The following GALNT17 variants were observed in gnomAD, a reference collection of about 807,000 sequenced individuals.
The protein encoded by GALNT17 is polypeptide N-acetylgalactosaminyltransferase 17, also known as UDP-GalNAc:polypeptide N-acetylgalactosaminyltransferase-like 3.
In GALNT17, 29 loss-of-function variants were observed where a neutral mutation model predicts 63.7. The observed-to-expected ratio is 0.46, with a 90% CI of 0.34 to 0.62. GALNT17 has a LOEUF of 0.62. Ranked by LOEUF, GALNT17 falls within the 20% of genes least tolerant of loss-of-function variation. The pLI is 0.01. For synonymous variants in GALNT17, 305 were observed against 318.3 expected, an observed-to-expected ratio of 0.96 and a Z score of 0.45; for missense variants, 603 against 799.6, an observed-to-expected ratio of 0.75 and a Z score of 2.97.
At chr7:71,249,116 T>C (rs899622157) in intron 1 of GALNT17, among the ~76,000 whole-genome samples, 4 of 152,208 alleles carry the variant, frequency 2.6e-5, no homozygotes, top group Admixed American at 6.5e-5. Flanking sequence ...TTGAAGTTCA[T>C]GTATATGGTG....
chr7:71,302,215 G>A (rs1371208247), intron 1 of GALNT17, among the ~76,000 whole-genome samples: 1 of 152,166 alleles, frequency 6.6e-6, no homozygotes, highest in Non-Finnish European at 1.5e-5. Context: ...CAGGGGTGGG[G>A]AGAGCATCAG....
At chr7:71,691,448 T>C (rs1180931544) in intron 9 of GALNT17, among the ~76,000 whole-genome samples, 1 of 152,230 alleles carries the variant, frequency 6.6e-6, no homozygotes, top group Non-Finnish European at 1.5e-5. Flanking sequence ...TTCGCTATAT[T>C]GCAGTGGTCT....
chr7:71,354,827 G>GT (rs907342587), intron 2 of GALNT17, among the ~76,000 whole-genome samples: 84 of 152,272 alleles, frequency 5.5e-4, no homozygotes, highest in African/African-American at 1.8e-3. Flanking sequence ...TGGGCCTGAT[G>GT]TTTTTTATGG....
intron 5 of GALNT17, among the ~76,000 whole-genome samples, chr7:71,492,338 AGTGTTCAT>A (rs1242818678): frequency 6.6e-6 from 1 of 152,188 alleles, no homozygotes; most frequent in Non-Finnish European, 1.5e-5. Context: ...GATTTGGAAT[AGTGTTCAT>A]GTGTTCATGC....
At chr7:71,160,379 G>A (rs1460109868) in intron 1 of GALNT17, among the ~76,000 whole-genome samples, 1 of 152,124 alleles carries the variant, frequency 6.6e-6, no homozygotes, top group African/African-American at 2.4e-5. Context: ...CAATGATTTT[G>A]CCATAAGTCA....
chr7:71,555,459 A>T (rs1231851867), intron 5 of GALNT17, among the ~76,000 whole-genome samples: 1 of 140,308 alleles, frequency 7.1e-6, no homozygotes, highest in Non-Finnish European at 1.5e-5. Context: ...TACTGAACTC[A>T]TTACCATGGG....
chr7:71,631,654 G>T (rs1790454192), intron 6 of GALNT17, among the ~76,000 whole-genome samples: 1 of 152,148 alleles, frequency 6.6e-6, no homozygotes, highest in African/African-American at 2.4e-5. Flanking sequence ...CATCAGCAAA[G>T]GTGAGAGTGA....
intron 1 of GALNT17, among the ~76,000 whole-genome samples, chr7:71,214,798 G>A (rs1789447350): frequency 6.6e-6 from 1 of 152,084 alleles, no homozygotes; most frequent in South Asian, 2.1e-4. Flanking sequence ...GGCTGGTCTT[G>A]AACTCCTGAC....
intron 1 of GALNT17, among the ~76,000 whole-genome samples, chr7:71,197,192 C>CTTTTTTTTTTTTT (rs34276195): frequency 1.4e-5 from 1 of 69,768 alleles, no homozygotes; most frequent in Non-Finnish European, 2.5e-5. Flanking sequence ...CCCTGTTGTG[C>CTTTTTTTTTTTTT]TTTTTTTTTT....
In GALNT17 at chr7:71,557,722, T is replaced by C. The variant is rs1584048422; in HGVS notation, c.963-13563T>C. On this transcript the variant is annotated intron_variant, in intron 5 of 10. Transcript: ENST00000333538. ...AGGAGAATCGCTTGAACCCGGGAAA[T>C]GAAAGTTGCAGTGAACCGAGATCGC... 2.0e-5 allele frequency among the ~76,000 whole-genome samples: 3 copies of C among 151,050 alleles called. No homozygotes were observed. In the East Asian group the frequency reaches 5.9e-4, roughly 29 times the overall value.
At chr7:71,398,294 T>A (rs1489718425) in intron 3 of GALNT17, among the ~76,000 whole-genome samples, 2 of 152,150 alleles carry the variant, frequency 1.3e-5, no homozygotes, top group African/African-American at 2.4e-5. Flanking sequence ...CTTATTTTTC[T>A]CTGCTATCTT....
At chr7:71,198,585 G>A (rs924884722) in intron 1 of GALNT17, among the ~76,000 whole-genome samples, 8 of 152,204 alleles carry the variant, frequency 5.3e-5, no homozygotes, top group African/African-American at 1.9e-4. Flanking sequence ...ACTAGCTGAC[G>A]CTAGTTGGAC....
intron 5 of GALNT17, among the ~76,000 whole-genome samples, chr7:71,529,028 A>T (rs1426441127): frequency 6.6e-6 from 1 of 152,070 alleles, no homozygotes; most frequent in Non-Finnish European, 1.5e-5. Flanking sequence ...CCAGCTACTA[A>T]GGAGGCTGAA....
intron 1 of GALNT17, among the ~76,000 whole-genome samples, chr7:71,250,095 A>G (rs1029137484): frequency 1.3e-5 from 2 of 152,188 alleles, no homozygotes; most frequent in Non-Finnish European, 2.9e-5. Context: ...ACATTTCCAA[A>G]CATCCATTTC....
intron 3 of GALNT17, among the ~76,000 whole-genome samples, chr7:71,411,295 A>G (rs1793425618): frequency 2.0e-5 from 3 of 151,812 alleles, no homozygotes. Context: ...TAATTTTTGT[A>G]TTTTTAGTAG....
At chr7:71,710,292 G>A (rs1040893268) in intron 9 of GALNT17, among the ~76,000 whole-genome samples, 9 of 152,094 alleles carry the variant, frequency 5.9e-5, no homozygotes, top group African/African-American at 2.2e-4. Context: ...GGCAGATCAC[G>A]AGGTCAGGAG....
chr7:71,305,253 A>C (rs1017448910), intron 1 of GALNT17, among the ~76,000 whole-genome samples: 2 of 152,180 alleles, frequency 1.3e-5, no homozygotes, highest in African/African-American at 4.8e-5. Flanking sequence ...TTTTTGGGAT[A>C]GTTTTTCCCG....
intron 5 of GALNT17, among the ~76,000 whole-genome samples, chr7:71,520,703 CTCTT>C (rs1291369224): frequency 6.6e-6 from 1 of 152,036 alleles, no homozygotes; most frequent in Non-Finnish European, 1.5e-5. Context: ...TCCCGGCAAA[CTCTT>C]TATTCTCCAT....
intron 1 of GALNT17, among the ~76,000 whole-genome samples, chr7:71,133,502 C>T (rs1787726192): frequency 6.6e-6 from 1 of 152,068 alleles, no homozygotes; most frequent in Non-Finnish European, 1.5e-5. Flanking sequence ...GGCCCCAGGT[C>T]GCGGAGCTAA....
Sources: gnomAD v4.1 joint callset for allele counts (sites outside exome capture counted in the v4.1 genomes callset) on GRCh38, gnomAD v4.1.1 for gene constraint, MANE v1.5 for transcripts, NCBI Gene and HGNC (gene_info 2026-07-23, HGNC 2026-07-21) for gene names.